TIMP2: variants seen among roughly 807,000 people sequenced by gnomAD.
TIMP2 encodes the protein TIMP metallopeptidase inhibitor 2, also known as metalloproteinase inhibitor 2.
A neutral mutation model predicts 24.3 loss-of-function variants in TIMP2; 5 were observed. The ratio of observed to expected loss-of-function variants is 0.21; its 90% CI spans 0.11 to 0.43. TIMP2 has a LOEUF of 0.43. Ranked by LOEUF, TIMP2 falls within the 20% of genes least tolerant of loss-of-function variation. The probability of loss-of-function intolerance (pLI) is 1.00; values close to 1 mark genes in which losing one functional copy is unlikely to be tolerated. For missense variants in TIMP2, 221 were observed against 297.5 expected (o/e 0.74, Z 1.89); for synonymous variants, 130 against 123.2 (o/e 1.06, Z -0.37).
At chr17:78,890,944 A>G in intron 1 of TIMP2, 1 of 1,550,914 alleles carries the variant, frequency 6.4e-7, no homozygotes, top group Non-Finnish European at 8.7e-7. Flanking sequence ...CCATTTGTTC[A>G]AGCGATTCCA....
chr17:78,908,903 T>C (rs920232935), intron 1 of TIMP2, among the ~76,000 whole-genome samples: 3 of 152,176 alleles, frequency 2.0e-5, no homozygotes, highest in Non-Finnish European at 4.4e-5. Flanking sequence ...GCATACTCAG[T>C]TTCTGCCTGG....
intron 1 of TIMP2, among the ~76,000 whole-genome samples, chr17:78,886,041 G>A (rs1294060601): frequency 1.3e-5 from 2 of 152,146 alleles, no homozygotes; most frequent in Non-Finnish European, 2.9e-5. Context: ...CTGGAGGGCT[G>A]TTTTAGTGCC....
At position 78,891,077 on chromosome 17, in the gene TIMP2, T is replaced by C; in HGVS notation, c.131-17158A>G. On this transcript the variant is annotated intron_variant, in intron 1 of 4. Coordinates refer to ENST00000262768, the MANE Select transcript of TIMP2 (RefSeq NM_003255.5). The surrounding 1 kb of genome is among the most constrained non-coding windows in gnomAD (Gnocchi z 4.5). ...GGAGCCCTCTGCCAGCGTGCCCAGT[T>C]TGGGGGTCTCTTGTCCAGATTCAGT... 6.4e-7 allele frequency: 1 copy of C among 1,550,984 alleles called. No individual in the cohort carries two copies. The highest frequency in any genetic ancestry group is 1.2e-5 in the South Asian group (1 of 84,064).
At chr17:78,866,004 G>A (rs1441593746) in intron 3 of TIMP2, among the ~76,000 whole-genome samples, 1 of 144,806 alleles carries the variant, frequency 6.9e-6, no homozygotes, top group South Asian at 2.3e-4. Flanking sequence ...CCTGTGGATA[G>A]GAACAAACAG....
intron 1 of TIMP2, among the ~76,000 whole-genome samples, chr17:78,883,787 G>A (rs191901516): frequency 6.6e-4 from 101 of 152,234 alleles, no homozygotes; most frequent in Non-Finnish European, 1.0e-3. Flanking sequence ...GAGCAAAGCC[G>A]CCCTCTCTGC....
intron 1 of TIMP2, among the ~76,000 whole-genome samples, chr17:78,882,919 C>T (rs749845077): frequency 2.6e-5 from 4 of 152,270 alleles, no homozygotes; most frequent in South Asian, 2.1e-4. Context: ...GGGTCTCCCC[C>T]GGGCACTGGG....
At chr17:78,890,531 TA>T in intron 1 of TIMP2, 2 of 1,294,118 alleles carry the variant, frequency 1.5e-6, no homozygotes, top group Non-Finnish European at 2.1e-6. Flanking sequence ...TAAAGAGGCC[TA>T]ATAGTCTCTG....
At chr17:78,913,207 G>C (rs1205438131) in intron 1 of TIMP2, among the ~76,000 whole-genome samples, 1 of 152,152 alleles carries the variant, frequency 6.6e-6, no homozygotes, top group Non-Finnish European at 1.5e-5. Flanking sequence ...ACCAACAAGG[G>C]CTGAGACCCG....
At chr17:78,890,921 A>C in intron 1 of TIMP2, 1 of 1,550,618 alleles carries the variant, frequency 6.4e-7, no homozygotes, top group South Asian at 1.2e-5. Flanking sequence ...TTCCAAGCTC[A>C]TATCTGGGTG....
At position 78,920,645 on chromosome 17, in the gene TIMP2, C is replaced by A. The variant is rs893472654; in HGVS notation, c.130+4314G>T. On this transcript the variant is annotated intron_variant, in intron 1 of 4. Transcript: ENST00000262768. This position sits in a 1 kb window ranked among gnomAD's most constrained non-coding sequence, Gnocchi z 4.5. ...GCTCCCTCCTCAACCTACCATGGGG[C>A]CTTCTATCCTCACATCTTGCAAATG... Among the ~76,000 whole-genome samples the A allele has an allele frequency of 1.3e-5, 2 of 152,206 alleles. No individual in the cohort carries two copies. Among genetic ancestry groups the A allele is most frequent in the Non-Finnish European group, 2.9e-5 (2 of 68,034 alleles).
At position 78,871,449 on chromosome 17, in the gene TIMP2, C is replaced by CAA. The variant is rs749440079; in HGVS notation, c.232-445_232-444dup. Among the ~76,000 whole-genome samples the CAA allele has an allele frequency of 2.3e-3, 280 of 122,496 alleles. 4 individuals are homozygous for CAA. Among genetic ancestry groups the CAA allele is most frequent in the African/African-American group, 5.8e-3 (186 of 32,152 alleles). 80.4% of individuals were successfully genotyped at this position (122,496 alleles called of 152,430 possible). A position where few individuals can be genotyped will look rare whatever the true frequency, so the allele number is the denominator to read the frequency against. On this transcript the variant is annotated intron_variant, in intron 2 of 4. Coordinates refer to ENST00000262768, the MANE Select transcript of TIMP2 (RefSeq NM_003255.5). ...CCTGTATGACAGAGTAAGACTCCGTCAAAAAAAAAAAAAAAAAAAAAGAAA... is the reference window on the plus strand; with the variant it reads ...CCTGTATGACAGAGTAAGACTCCGTCAAAAAAAAAAAAAAAAAAAAAAAGAAA...
rs184771796 is a variant in TIMP2, at chr17:78,914,488, G to A, written c.130+10471C>T. On this transcript the variant is annotated intron_variant, in intron 1 of 4. Transcript: ENST00000262768. ...AGTAGAGATGGGGTTTCATGATGTT[G>A]GCCAGGCTGGTCTCGAACTCCTGAC... Among the ~76,000 whole-genome samples the A allele has an allele frequency of 8.9e-4, 135 of 151,910 alleles. No individual in the cohort carries two copies. The East Asian group carries it at 0.024, about 27-fold the overall frequency.
At position 78,877,850 on chromosome 17, in the gene TIMP2, C is replaced by T. The variant is rs371976677; in HGVS notation, c.131-3931G>A. Reference sequence around the variant, plus strand: ...TCCCAAGTAGCTGGGATTACAGGCACGCGCCACCATGCCCGGCTAATTTTT... The same window carrying T: ...TCCCAAGTAGCTGGGATTACAGGCATGCGCCACCATGCCCGGCTAATTTTT... On this transcript the variant is annotated intron_variant, in intron 1 of 4. Transcript: ENST00000262768. Among the ~76,000 whole-genome samples the T allele has an allele frequency of 1.7e-3, 261 of 151,788 alleles. 1 individual carries two copies. Among genetic ancestry groups the T allele is most frequent in the Middle Eastern group, 6.8e-3 (2 of 294 alleles).
At chr17:78,880,300 C>T (rs1375303465) in intron 1 of TIMP2, among the ~76,000 whole-genome samples, 2 of 152,198 alleles carry the variant, frequency 1.3e-5, no homozygotes, top group East Asian at 1.9e-4. Context: ...CTTTCCAATC[C>T]TCCTGTGTCC....
At chr17:78,901,945 A>C (rs1270908341) in intron 1 of TIMP2, 3 of 601,078 alleles carry the variant, frequency 5.0e-6, no homozygotes, top group Non-Finnish European at 9.2e-6. Context: ...ATCCGAACCA[A>C]GCCCAGATAA....
At chr17:78,857,988 C>T (rs547508360) in intron 3 of TIMP2, among the ~76,000 whole-genome samples, 2 of 151,904 alleles carry the variant, frequency 1.3e-5, no homozygotes, top group Non-Finnish European at 2.9e-5. Flanking sequence ...GAGAATCGCT[C>T]TTGCACCCCA....
In TIMP2 at chr17:78,925,199, C is replaced by T; in HGVS notation, c.-111G>A. On this transcript the variant is annotated 5_prime_UTR_variant, in exon 1 of 5. Transcript: ENST00000262768. ...GGCTGAGCCGGGGCCGAGGCGGGCC[C>T]CTCCCGCGCGGCTCACCCTCCTCAC... 1 of 262,198 alleles carries T rather than the reference C, an allele frequency of 3.8e-6. No homozygotes were observed. The highest frequency in any genetic ancestry group is 1.4e-4 in the South Asian group (1 of 7,258). 16.2% of individuals were successfully genotyped at this position (262,198 alleles called of 1,614,324 possible). A position where few individuals can be genotyped will look rare whatever the true frequency, so the allele number is the denominator to read the frequency against.
At chr17:78,877,789 C>T (rs531866359) in intron 1 of TIMP2, among the ~76,000 whole-genome samples, 6 of 151,618 alleles carry the variant, frequency 4.0e-5, no homozygotes, top group Admixed American at 1.3e-4. Context: ...CTGCAACCTC[C>T]GCCTCCTGGG....
rs372991230 is a variant in TIMP2, at chr17:78,870,543, G to A, written c.340+355C>T. Among the ~76,000 whole-genome samples, 5 of 152,064 alleles carry A rather than the reference G, an allele frequency of 3.3e-5. No individual in the cohort carries two copies. The East Asian group carries it at 5.8e-4, about 18-fold the overall frequency. ...TGAATGAATAAGTCAAGCAGGTCTC[G>A]TGCATAGTATCCACAGATGTTACGC... On this transcript the variant is annotated intron_variant, in intron 3 of 4. Coordinates refer to ENST00000262768, the MANE Select transcript of TIMP2 (RefSeq NM_003255.5).
Sources: gnomAD v4.1 joint callset for allele counts (sites outside exome capture counted in the v4.1 genomes callset) on GRCh38, gnomAD v4.1.1 for gene constraint, Gnocchi (gnomAD v3.1) non-coding constraint, MANE v1.5 for transcripts, NCBI Gene and HGNC (gene_info 2026-07-23, HGNC 2026-07-21) for gene names.